TET3: variants seen among roughly 807,000 people sequenced by gnomAD.
TET3 encodes the protein tet methylcytosine dioxygenase 3.
TET3 carries 19 observed loss-of-function variants against 141.4 expected under a neutral mutation model. That is an observed-to-expected ratio of 0.13 (90% CI 0.09 to 0.20). TET3 has a LOEUF of 0.20. Ranked by LOEUF, TET3 falls within the 10% of genes least tolerant of loss-of-function variation. The probability of loss-of-function intolerance (pLI) is 1.00; values close to 1 mark genes in which losing one functional copy is unlikely to be tolerated. For missense variants in TET3, 1,874 were observed against 2,356.9 expected (o/e 0.80, Z 4.24); for synonymous variants, 1,043 against 980.9 (o/e 1.06, Z -1.18).
chr2:73,989,054 G>T (rs1442936552), intron 2 of TET3, among the ~76,000 whole-genome samples: 1 of 147,022 alleles, frequency 6.8e-6, no homozygotes, highest in Non-Finnish European at 1.5e-5. Context: ...ACTGTCTAGG[G>T]TATACCACAT....
chr2:74,098,092 T>C (rs1474001800), intron 10 of TET3, among the ~76,000 whole-genome samples: 1 of 152,090 alleles, frequency 6.6e-6, no homozygotes. Context: ...GTGGAAAAAA[T>C]ATAGGAAAGT....
intron 3 of TET3, among the ~76,000 whole-genome samples, chr2:74,008,546 A>T (rs1349508324): frequency 6.6e-6 from 1 of 152,190 alleles, no homozygotes; most frequent in East Asian, 1.9e-4. Context: ...CTAGAGGTAT[A>T]CCCTTTTTCC....
chr2:74,104,193 G>C lies in TET3; in HGVS notation c.*2017G>C, dbSNP rs1019725499. On this transcript the variant is annotated 3_prime_UTR_variant, in exon 12 of 12. Coordinates refer to ENST00000409262, the MANE Select transcript of TET3 (RefSeq NM_001287491.2). ...GTGGGAGAAATTGTAAATAGTAGCC[G>C]AATATTTAATGTGCTTTGTCTATCC... 6.6e-6 allele frequency: 1 copy of C among 152,126 alleles called. No homozygotes were observed. Among genetic ancestry groups the C allele is most frequent in the South Asian group, 2.1e-4 (1 of 4,826 alleles). The allele number at this position is 152,126 out of a possible 1,614,324, so 9.4% of individuals were successfully genotyped here.
chr2:74,015,162 T>C (rs1332987506), intron 3 of TET3, among the ~76,000 whole-genome samples: 2 of 152,164 alleles, frequency 1.3e-5, no homozygotes, highest in African/African-American at 4.8e-5. Flanking sequence ...GGGGAAGATA[T>C]TCTTACCCTT....
chr2:74,084,764 C>A (rs1371452506), intron 6 of TET3, among the ~76,000 whole-genome samples: 1 of 152,036 alleles, frequency 6.6e-6, no homozygotes, highest in Non-Finnish European at 1.5e-5. Context: ...AGTGAGACCC[C>A]GTTTCTACTA....
chr2:74,003,004 C>T, intron 2 of TET3, 106 bp from the exon 3 acceptor site: 1 of 1,212,452 alleles, frequency 8.2e-7, no homozygotes, highest in Non-Finnish European at 1.2e-6. Flanking sequence ...GTATCCCCTC[C>T]CGTTCGCCTT....
At chr2:74,121,544 T>C in the TET3 span, 1 of 152,222 alleles carries the variant, frequency 6.6e-6, no homozygotes, top group African/African-American at 2.4e-5. Context: ...GTCTTTCAGA[T>C]TTCTGAGGAG....
intron 3 of TET3, among the ~76,000 whole-genome samples, chr2:74,036,847 T>C (rs1020258994): frequency 2.6e-5 from 4 of 152,216 alleles, no homozygotes; most frequent in African/African-American, 9.6e-5. Context: ...TTCTGCCAGA[T>C]ATGATGACCT....
rs200994551 is a variant in TET3 at position 74,093,588 on chromosome 2, C to T, written c.3189C>T (p.Phe1063=). 1.4e-5 allele frequency: 22 copies of T among 1,613,630 alleles called. No individual in the cohort carries two copies. In the East Asian group the frequency reaches 2.0e-4, roughly 15 times the overall value. The part of the protein sequence containing the change: ...CRLGLKEGRP[F]AGVTACMDFC... ...TGGGGCTGAAGGAAGGACGGCCCTT[C>T]GCGGGGGTCACGGCCTGCATGGACT... The change falls in exon 10 of 12, where the codon TTC becomes TTT. Residue 1063 remains phenylalanine, a synonymous_variant. Coordinates refer to ENST00000409262, the MANE Select transcript of TET3 (RefSeq NM_001287491.2). The surrounding 1 kb of genome is among the most constrained non-coding windows in gnomAD (Gnocchi z 4.2).
chr2:74,061,187 C>CG (rs972219324), intron 4 of TET3, among the ~76,000 whole-genome samples: 2 of 143,544 alleles, frequency 1.4e-5, no homozygotes, highest in Admixed American at 6.8e-5. Context: ...GCCGGCCGGG[C>CG]GGGGGGCTGA....
chr2:73,989,714 C>T (rs539169479), intron 2 of TET3, among the ~76,000 whole-genome samples: 10 of 152,240 alleles, frequency 6.6e-5, no homozygotes, highest in Middle Eastern at 3.4e-3. Context: ...TTCCTAGTTC[C>T]AGGAAGACTT....
At chr2:74,023,204 A>G (rs906425046) in intron 3 of TET3, among the ~76,000 whole-genome samples, 2 of 151,486 alleles carry the variant, frequency 1.3e-5, no homozygotes, top group African/African-American at 4.8e-5. Context: ...CAGCATTGAT[A>G]TTAATTAATT....
rs756490941 is a variant in TET3, at chr2:74,047,514, C to T, written c.1597C>T (p.His533Tyr). Reference sequence around the variant, plus strand: ...CCAGACCGCCCTGCAGCAGCACCTCCACCACAAGCGCAGCCTCTTCCTAGA... The same window carrying T: ...CCAGACCGCCCTGCAGCAGCACCTCTACCACAAGCGCAGCCTCTTCCTAGA... The part of the protein sequence containing the change: ...KAQTALQQHL[H>Y]HKRSLFLEQV... Residue 533 changes from histidine (H) to tyrosine (Y), a missense_variant, in exon 4 of 12, where the codon CAC becomes TAC. His to Tyr is a moderately conservative substitution (Grantham distance 83, BLOSUM62 2). Transcript: ENST00000409262. 4.3e-6 allele frequency: 7 copies of T among 1,613,278 alleles called. No individual in the cohort carries two copies. Among genetic ancestry groups the T allele is most frequent in the Non-Finnish European group, 5.9e-6 (7 of 1,179,880 alleles).
chr2:74,048,528 G>C (rs1687771598), intron 4 of TET3, 117 bp downstream of exon 4: 4 of 1,135,012 alleles, frequency 3.5e-6, no homozygotes, highest in Admixed American at 2.9e-5. Flanking sequence ...TGCCACACTG[G>C]GTTCTGGGAA....
At position 74,101,447 on chromosome 2, in the gene TET3, A is replaced by G. The variant is rs1572906469; in HGVS notation, c.4659A>G (p.Gln1553=). 6.2e-7 allele frequency: 1 copy of G among 1,613,878 alleles called. No homozygotes were observed. Among genetic ancestry groups the G allele is most frequent in the Non-Finnish European group, 8.5e-7 (1 of 1,179,868 alleles). The change falls in exon 12 of 12, where the codon CAA becomes CAG. Residue 1553 remains glutamine (Q), a synonymous_variant. Coordinates refer to ENST00000409262, the MANE Select transcript of TET3 (RefSeq NM_001287491.2). This position sits in a 1 kb window ranked among gnomAD's most constrained non-coding sequence, Gnocchi z 8.5. The stretch of plus-strand genomic sequence containing the variant: ...CCCTGAAAGGTAGTCCTGGGTTCCA[A>G]GACAAGCTGTGGAACCCCATGAAAG... ...NSALKGSPGF[Q]DKLWNPMKGE...
intron 3 of TET3, among the ~76,000 whole-genome samples, chr2:74,044,124 C>G (rs1282086009): frequency 1.3e-5 from 2 of 152,170 alleles, no homozygotes; most frequent in Non-Finnish European, 2.9e-5. Flanking sequence ...GAACTGTGAT[C>G]ACACCACTGC....
chr2:74,099,085 T>G (rs1367840803), intron 10 of TET3, among the ~76,000 whole-genome samples, 191 bp from the exon 11 acceptor site: 1 of 152,174 alleles, frequency 6.6e-6, no homozygotes, highest in East Asian at 1.9e-4. Flanking sequence ...GAGTGGACTG[T>G]AAATGCTGGT....
At chr2:74,014,841 G>A (rs1685648670) in intron 3 of TET3, among the ~76,000 whole-genome samples, 1 of 152,150 alleles carries the variant, frequency 6.6e-6, no homozygotes, top group Admixed American at 6.5e-5. Context: ...GGATCCTTCA[G>A]TCCATGAAGA....
rs778464349 is a variant in TET3, at chr2:74,101,416, A to G, written c.4628A>G (p.Asn1543Ser). 11 of 1,613,636 alleles carry G rather than the reference A, an allele frequency of 6.8e-6. No individual in the cohort carries two copies. Among genetic ancestry groups the G allele is most frequent in the African/African-American group, 4.0e-5 (3 of 74,876 alleles). ...KPWALGAGDF[N>S]SALKGSPGFQ... Reference sequence around the variant, plus strand: ...TGGGCGCTGGGGGCAGGGGATTTCAACTCGGCCCTGAAAGGTAGTCCTGGG... The same window carrying G: ...TGGGCGCTGGGGGCAGGGGATTTCAGCTCGGCCCTGAAAGGTAGTCCTGGG... The change falls in exon 12 of 12, where the codon AAC becomes AGC. Residue 1543 changes from asparagine (N) to serine (S), a missense_variant. By Grantham distance (46) the Asn-to-Ser change is conservative (BLOSUM62 1). Around this residue, in one of 10 missense-constraint regions of TET3, gnomAD observed 602 missense variants for 590.2 expected, o/e 1.02. Coordinates refer to ENST00000409262, the MANE Select transcript of TET3 (RefSeq NM_001287491.2). The surrounding 1 kb of genome is among the most constrained non-coding windows in gnomAD (Gnocchi z 8.5).
Sources: gnomAD v4.1 joint callset for allele counts (sites outside exome capture counted in the v4.1 genomes callset) on GRCh38, gnomAD v4.1.1 for gene constraint, gnomAD v4.1.1 regional missense constraint, Gnocchi (gnomAD v3.1) non-coding constraint, MANE v1.5 for transcripts, NCBI Gene and HGNC (gene_info 2026-07-23, HGNC 2026-07-21) for gene names.